ADCY8: variants seen among roughly 807,000 people sequenced by gnomAD.
ADCY8 encodes adenylate cyclase type 8.
ADCY8 carries 51 observed loss-of-function variants against 119.7 expected under a neutral mutation model. The ratio of observed to expected loss-of-function variants is 0.43; its 90% CI spans 0.34 to 0.54. The LOEUF is 0.54. Among genes scored for constraint, ADCY8 ranks in the 20% least tolerant of loss-of-function variants. ADCY8 has a pLI of 0.03. For synonymous variants in ADCY8, 665 were observed against 651.0 expected, an observed-to-expected ratio of 1.02 and a Z score of -0.33; for missense variants, 1,383 against 1,598.8, an observed-to-expected ratio of 0.87 and a Z score of 2.30.
Position 130,894,572 on chromosome 8 carries a change from C to T in ADCY8, c.1911+9200G>A, listed in dbSNP as rs567790788. On this transcript the variant is annotated intron_variant, in intron 7 of 17. Transcript: ENST00000286355. ...CACTGCCAAATCTAGTGGTGCATAA[C>T]CTGAAATTCACAACAGTAGTTTGGG... 9.2e-5 allele frequency among the ~76,000 whole-genome samples: 14 copies of T among 152,214 alleles called. 1 individual carries two copies. Among genetic ancestry groups the T allele is most frequent in the African/African-American group, 3.4e-4 (14 of 41,538 alleles).
At chr8:130,922,488 T>C (rs1408637013) in intron 5 of ADCY8, among the ~76,000 whole-genome samples, 4 of 152,056 alleles carry the variant, frequency 2.6e-5, no homozygotes, top group Non-Finnish European at 4.4e-5. Context: ...TAACCCTGAG[T>C]GGACACAGCA....
intron 9 of ADCY8, among the ~76,000 whole-genome samples, chr8:130,867,477 C>T (rs916647269): frequency 7.9e-5 from 12 of 152,198 alleles, no homozygotes; most frequent in Non-Finnish European, 1.3e-4. Flanking sequence ...GTTGATTTTG[C>T]GGACCCAAGG....
intron 1 of ADCY8, among the ~76,000 whole-genome samples, chr8:131,019,311 A>G (rs1469650803): frequency 6.6e-6 from 1 of 152,218 alleles, no homozygotes; most frequent in Admixed American, 6.5e-5. Context: ...GATACCATCT[A>G]TTTAAAGGCT....
chr8:130,830,203 G>A (rs1816789094), intron 12 of ADCY8, among the ~76,000 whole-genome samples: 2 of 152,206 alleles, frequency 1.3e-5, no homozygotes, highest in South Asian at 4.2e-4. Context: ...TCTAACAAAG[G>A]AAAGCCTGTA....
chr8:130,970,944 G>C (rs769647278), intron 2 of ADCY8, among the ~76,000 whole-genome samples: 1 of 152,222 alleles, frequency 6.6e-6, no homozygotes, highest in Non-Finnish European at 1.5e-5. Context: ...TGGTGTGACA[G>C]ATTGGCTATG....
chr8:130,799,559 T>C (rs1328578982), intron 15 of ADCY8, among the ~76,000 whole-genome samples: 1 of 152,188 alleles, frequency 6.6e-6, no homozygotes, highest in Non-Finnish European at 1.5e-5. Context: ...TGCTGGCTGC[T>C]GACAATGCAT....
intron 4 of ADCY8, among the ~76,000 whole-genome samples, chr8:130,942,113 T>C (rs1234676796): frequency 6.6e-6 from 1 of 152,234 alleles, no homozygotes; most frequent in African/African-American, 2.4e-5. Context: ...TTATCTGTTT[T>C]CTGCCTCTGT....
intron 13 of ADCY8, 50 bp from the exon 14 acceptor site, chr8:130,814,277 T>C (rs758653768): frequency 6.3e-7 from 1 of 1,597,242 alleles, no homozygotes; most frequent in Admixed American, 1.7e-5. Flanking sequence ...TTCTGAGGTG[T>C]AGGCTTCAGG....
chr8:130,866,213 A>G (rs1021140080), intron 9 of ADCY8, among the ~76,000 whole-genome samples: 4 of 152,048 alleles, frequency 2.6e-5, no homozygotes, highest in Admixed American at 2.0e-4. Context: ...ATTCTGAGAG[A>G]TTAAGAAATA....
At chr8:131,018,567 C>T (rs1823553715) in intron 1 of ADCY8, among the ~76,000 whole-genome samples, 1 of 152,180 alleles carries the variant, frequency 6.6e-6, no homozygotes, top group African/African-American at 2.4e-5. Context: ...TGATGCTTTC[C>T]CTGCAAGCTG....
chr8:130,876,088 T>C (rs1818552270), intron 8 of ADCY8, among the ~76,000 whole-genome samples: 1 of 152,116 alleles, frequency 6.6e-6, no homozygotes, highest in African/African-American at 2.4e-5. Flanking sequence ...TCTTGCTCTG[T>C]CACCCAGGCT....
chr8:130,906,215 C>T (rs1819780151), intron 6 of ADCY8, among the ~76,000 whole-genome samples: 1 of 152,224 alleles, frequency 6.6e-6, no homozygotes, highest in Non-Finnish European at 1.5e-5. Context: ...GGGAGAATAA[C>T]AGATCGTTTG....
intron 7 of ADCY8, among the ~76,000 whole-genome samples, chr8:130,899,008 C>T (rs1201926733): frequency 6.6e-6 from 1 of 152,204 alleles, no homozygotes; most frequent in Non-Finnish European, 1.5e-5. Context: ...GTCCCAGCCC[C>T]TTCAGCTCCA....
intron 9 of ADCY8, among the ~76,000 whole-genome samples, chr8:130,867,491 T>C (rs1337637061): frequency 6.6e-6 from 1 of 152,188 alleles, no homozygotes; most frequent in African/African-American, 2.4e-5. Flanking sequence ...CCCAAGGAGC[T>C]ACGATGCTGT....
chr8:130,982,028 A>G (rs1013351861), intron 2 of ADCY8, among the ~76,000 whole-genome samples: 4 of 152,246 alleles, frequency 2.6e-5, no homozygotes, highest in Admixed American at 2.0e-4. Flanking sequence ...TAGGAATCAA[A>G]TACAGGTTTG....
intron 13 of ADCY8, among the ~76,000 whole-genome samples, chr8:130,816,755 A>AT (rs1816360061): frequency 2.0e-5 from 3 of 152,194 alleles, no homozygotes; most frequent in Admixed American, 6.5e-5. Context: ...ACATTAACAT[A>AT]TAAACCATTT....
chr8:130,943,487 G>GTGGGGT, intron 3 of ADCY8, 25 bp from the exon 4 acceptor site: 1 of 791,088 alleles, frequency 1.3e-6, no homozygotes, highest in Admixed American at 2.0e-5. Flanking sequence ...GAGGGTGGGG[G>GTGGGGT]TGGGGGGAGG....
chr8:131,039,804 T>A lies in ADCY8; in HGVS notation c.530A>T (p.Gln177Leu). 2 of 1,614,220 alleles carry A rather than the reference T, an allele frequency of 1.2e-6. No homozygotes were observed. Among genetic ancestry groups the A allele is most frequent in the Non-Finnish European group, 1.7e-6 (2 of 1,180,036 alleles). ...ERLYQRYFLG[Q>L]RRKSEVVMNV... ...CATCACCACTTCCGATTTGCGCCTT[T>A]GGCCCAAGAAATAGCGCTGGTAGAG... The change falls in exon 1 of 18, where the codon CAA becomes CTA. Residue 177 changes from glutamine to leucine, a missense_variant. Gln to Leu is a moderately radical substitution (Grantham distance 113). Around this residue, in one of 2 missense-constraint regions of ADCY8, gnomAD observed 455 missense variants for 435.3 expected, o/e 1.05. Coordinates refer to ENST00000286355, the MANE Select transcript of ADCY8 (RefSeq NM_001115.3).
At chr8:130,895,376 T>C (rs1332045570) in intron 7 of ADCY8, among the ~76,000 whole-genome samples, 1 of 152,136 alleles carries the variant, frequency 6.6e-6, no homozygotes, top group East Asian at 1.9e-4. Flanking sequence ...AATGTGTATT[T>C]TTCATGTCTG....
Sources: gnomAD v4.1 joint callset for allele counts (sites outside exome capture counted in the v4.1 genomes callset) on GRCh38, gnomAD v4.1.1 for gene constraint, gnomAD v4.1.1 regional missense constraint, MANE v1.5 for transcripts, NCBI Gene and HGNC (gene_info 2026-07-23, HGNC 2026-07-21) for gene names.